The following COL22A1 variants were observed in gnomAD, a reference collection of about 807,000 sequenced individuals.
COL22A1 encodes collagen alpha-1(XXII) chain.
A neutral mutation model predicts 248.9 loss-of-function variants in COL22A1; 221 were observed. The ratio of observed to expected loss-of-function variants is 0.89; its 90% CI spans 0.80 to 0.99. COL22A1 has a LOEUF of 0.99. Ranked by LOEUF, COL22A1 falls within the 50% of genes least tolerant of loss-of-function variation. The probability of loss-of-function intolerance (pLI) is 0.00; values close to 1 mark genes in which losing one functional copy is unlikely to be tolerated. For missense variants in COL22A1, 2,240 were observed against 2,179.0 expected (o/e 1.03, Z -0.56); for synonymous variants, 891 against 793.4 (o/e 1.12, Z -2.07).
intron 11 of COL22A1, among the ~76,000 whole-genome samples, chr8:138,797,244 A>G (rs1816628058): frequency 6.6e-6 from 1 of 152,320 alleles, no homozygotes; most frequent in African/African-American, 2.4e-5. Flanking sequence ...ATCTATTAGC[A>G]ATGACTCCAC....
intron 12 of COL22A1, among the ~76,000 whole-genome samples, chr8:138,784,134 G>A (rs1192451735): frequency 3.9e-5 from 6 of 152,318 alleles, no homozygotes. Flanking sequence ...TATTTCTAGG[G>A]TTAAAAGAGG....
intron 3 of COL22A1, among the ~76,000 whole-genome samples, chr8:138,848,981 C>A (rs528841487): frequency 2.0e-5 from 3 of 152,236 alleles, no homozygotes; most frequent in African/African-American, 7.2e-5. Context: ...TAACCACAGA[C>A]AAGATGTATG....
chr8:138,667,386 T>A (rs933565441), intron 41 of COL22A1, among the ~76,000 whole-genome samples: 1 of 152,140 alleles, frequency 6.6e-6, no homozygotes, highest in African/African-American at 2.4e-5. Flanking sequence ...GCTAGGTTTG[T>A]GTCAAAGGTA....
At position 138,589,435 on chromosome 8, in the gene COL22A1, G is replaced by T. The variant is rs1216213352; in HGVS notation, c.4699C>A (p.Pro1567Thr). ...EMGPPGIPGQ[P>T]GEPGYAKDGL... ...TCTTTAGCATAGCCAGGTTCCCCGGGTTGACCTGGCCCAAGGAGCAAAAGA... is the reference window on the plus strand; with the variant it reads ...TCTTTAGCATAGCCAGGTTCCCCGGTTTGACCTGGCCCAAGGAGCAAAAGA... Residue 1567 changes from proline (P) to threonine (T), a missense_variant, in exon 65 of 65, where the codon CCC becomes ACC. By Grantham distance (38) the Pro-to-Thr change is conservative. Transcript: ENST00000303045. 1 of 1,552,132 alleles carries T rather than the reference G, an allele frequency of 6.4e-7. No individual in the cohort carries two copies. The highest frequency in any genetic ancestry group is 1.4e-5 in the African/African-American group (1 of 71,766).
intron 3 of COL22A1, among the ~76,000 whole-genome samples, chr8:138,856,072 C>T (rs1296754592): frequency 6.6e-6 from 1 of 152,172 alleles, no homozygotes; most frequent in East Asian, 1.9e-4. Flanking sequence ...AGGGGCCGTG[C>T]CTAGAGCTTC....
intron 18 of COL22A1, among the ~76,000 whole-genome samples, chr8:138,758,473 A>T (rs7824025): frequency 6.6e-6 from 1 of 152,112 alleles, no homozygotes; most frequent in South Asian, 2.1e-4. Context: ...AAAATGCATC[A>T]CCTGATATTT....
intron 22 of COL22A1, 69 bp downstream of exon 22, chr8:138,751,389 C>A: frequency 9.3e-7 from 1 of 1,078,146 alleles, no homozygotes; most frequent in South Asian, 1.4e-5. Flanking sequence ...ATCTTCTCTG[C>A]ATGGCATTAT....
At chr8:138,629,498 G>A (rs187001421) in intron 50 of COL22A1, among the ~76,000 whole-genome samples, 2 of 152,204 alleles carry the variant, frequency 1.3e-5, no homozygotes, top group African/African-American at 4.8e-5. Context: ...CTAGATGGGC[G>A]GCTTCAAAAG....
Position 138,716,214 on chromosome 8 carries a change from C to A in COL22A1, c.2463+13G>T, listed in dbSNP as rs1366837516. The A allele has an allele frequency of 6.4e-7, 1 of 1,572,434 alleles. No homozygotes were observed. Among genetic ancestry groups the A allele is most frequent in the Non-Finnish European group, 8.6e-7 (1 of 1,156,280 alleles). On this transcript the variant is annotated intron_variant, in intron 29 of 64. Coordinates refer to ENST00000303045, the MANE Select transcript of COL22A1 (RefSeq NM_152888.3). ...AGGTTCCTGTGTGGGAGGAAGGAAGCTGCCACACTTACCTGGTCTCCTTTC... is the reference window on the plus strand; with the variant it reads ...AGGTTCCTGTGTGGGAGGAAGGAAGATGCCACACTTACCTGGTCTCCTTTC...
At chr8:138,616,137 G>A (rs1819301787) in intron 54 of COL22A1, 83 bp from the exon 55 acceptor site, 13 of 1,081,788 alleles carry the variant, frequency 1.2e-5, no homozygotes. Context: ...TGAGGAGCTG[G>A]GAGAGGTGGA....
At chr8:138,732,686 T>A (rs1210771627) in intron 23 of COL22A1, among the ~76,000 whole-genome samples, 1 of 151,892 alleles carries the variant, frequency 6.6e-6, no homozygotes, top group Non-Finnish European at 1.5e-5. Context: ...AAAATATGAC[T>A]GTTCTCATTA....
intron 12 of COL22A1, among the ~76,000 whole-genome samples, chr8:138,788,024 T>C (rs1815692025): frequency 6.6e-6 from 1 of 152,230 alleles, no homozygotes; most frequent in Admixed American, 6.5e-5. Context: ...GTTGCATTGC[T>C]AGAGGTGCTG....
intron 1 of COL22A1, among the ~76,000 whole-genome samples, chr8:138,898,751 C>T (rs34794865): frequency 0.13 from 19,970 of 152,066 alleles, 1,683 homozygotes; most frequent in African/African-American, 0.23. Context: ...ATCTCCCACC[C>T]CAGCACACTG....
intron 53 of COL22A1, 48 bp downstream of exon 53, chr8:138,619,407 A>G (rs7009396): frequency 0.83 from 1,311,017 of 1,571,212 alleles, 551,229 homozygotes; most frequent in Middle Eastern, 0.88. Context: ...AGAGCCATGT[A>G]GCTGATGGGC....
At chr8:138,693,157 G>A (rs938850878) in intron 35 of COL22A1, among the ~76,000 whole-genome samples, 1 of 152,176 alleles carries the variant, frequency 6.6e-6, no homozygotes, top group Non-Finnish European at 1.5e-5. Context: ...ATACACCCTG[G>A]ATCTGGCCCC....
intron 12 of COL22A1, 81 bp from the exon 13 acceptor site, chr8:138,781,061 G>T (rs1337605852): frequency 1.0e-6 from 1 of 996,128 alleles, no homozygotes; most frequent in Non-Finnish European, 1.5e-6. Context: ...TGGAGAACGT[G>T]CCAGGAAGGG....
At chr8:138,674,595 T>A (rs1825352926) in intron 41 of COL22A1, among the ~76,000 whole-genome samples, 1 of 152,170 alleles carries the variant, frequency 6.6e-6, no homozygotes, top group Non-Finnish European at 1.5e-5. Flanking sequence ...CGGGAACATA[T>A]TTCATGGGTG....
chr8:138,893,072 G>A (rs1825174939), intron 1 of COL22A1, among the ~76,000 whole-genome samples: 1 of 152,184 alleles, frequency 6.6e-6, no homozygotes, highest in African/African-American at 2.4e-5. Flanking sequence ...GTCAGAGAGG[G>A]GAAGATAGAA....
intron 4 of COL22A1, among the ~76,000 whole-genome samples, chr8:138,839,437 T>C (rs1820699072): frequency 6.6e-6 from 1 of 152,062 alleles, no homozygotes; most frequent in African/African-American, 2.4e-5. Flanking sequence ...GAGGGAGAAA[T>C]ACCATCTGGT....
Sources: gnomAD v4.1 joint callset for allele counts (sites outside exome capture counted in the v4.1 genomes callset) on GRCh38, gnomAD v4.1.1 for gene constraint, MANE v1.5 for transcripts, NCBI Gene and HGNC (gene_info 2026-07-23, HGNC 2026-07-21) for gene names.